Variants in CROCC2 observed in about 807,000 individuals in gnomAD.
The protein encoded by CROCC2 is ciliary rootlet coiled-coil protein 2.
In CROCC2, 163 loss-of-function variants were observed where a neutral mutation model predicts 177.6. The observed-to-expected ratio is 0.92, with a 90% confidence interval of 0.81 to 1.05. CROCC2 has a LOEUF of 1.05. Ranked by LOEUF, CROCC2 falls within the 50% of genes least tolerant of loss-of-function variation. CROCC2 has a pLI of 0.00. For missense variants in CROCC2, 1,929 were observed against 1,797.8 expected (o/e 1.07, Z -1.32); for synonymous variants, 904 against 787.3 (o/e 1.15, Z -2.48).
At chr2:240,962,086 A>T (rs1468412288) in intron 20 of CROCC2, among the ~76,000 whole-genome samples, 4 of 149,700 alleles carry the variant, frequency 2.7e-5, no homozygotes, top group Non-Finnish European at 5.9e-5. Flanking sequence ...ACACTCACAC[A>T]CACACACACA....
chr2:240,933,086 G>A (rs1290811066), intron 9 of CROCC2, 45 bp from the exon 10 acceptor site: 2 of 1,547,724 alleles, frequency 1.3e-6, no homozygotes, highest in Admixed American at 3.9e-5. Flanking sequence ...GGTGGGCAAA[G>A]CCTGCCTAGG....
chr2:240,993,109 C>T lies in CROCC2; in HGVS notation c.*28C>T, dbSNP rs1039099361. 4.2e-6 allele frequency: 3 copies of T among 716,160 alleles called. No individual in the cohort carries two copies. Among genetic ancestry groups the T allele is most frequent in the Admixed American group, 2.0e-5 (1 of 49,966 alleles). The allele number at this position is 716,160 out of a possible 1,614,324, so 44.4% of individuals were successfully genotyped here. A position where few individuals can be genotyped will look rare whatever the true frequency, so the allele number is the denominator to read the frequency against. On this transcript the variant is annotated 3_prime_UTR_variant, in exon 32 of 32. Transcript: ENST00000690015. ...CTCCCAGCACAGGGGAGGCGCCCAGCGTGGCTGCAGAGGAAGGGAACGCAC... is the reference window on the plus strand; with the variant it reads ...CTCCCAGCACAGGGGAGGCGCCCAGTGTGGCTGCAGAGGAAGGGAACGCAC...
chr2:240,947,878 G>C (rs2059532872), intron 15 of CROCC2, among the ~76,000 whole-genome samples: 1 of 151,986 alleles, frequency 6.6e-6, no homozygotes, highest in African/African-American at 2.4e-5. Context: ...TGGTGGGCCA[G>C]GCCTCCAGTC....
intron 4 of CROCC2, among the ~76,000 whole-genome samples, chr2:240,923,284 G>C (rs1263595886): frequency 6.6e-6 from 1 of 151,802 alleles, no homozygotes; most frequent in Non-Finnish European, 1.5e-5. Flanking sequence ...CGCCACCGCT[G>C]TCAGTGAGCA....
At chr2:240,962,080 T>TCACACA (rs549496278) in intron 20 of CROCC2, among the ~76,000 whole-genome samples, 1,034 of 89,472 alleles carry the variant, frequency 0.012, 13 homozygotes, top group African/African-American at 0.028. Context: ...GCACTCACAC[T>TCACACA]CACACACACA....
In CROCC2 at chr2:240,953,378, G is replaced by A. The variant is rs1203845433; in HGVS notation, c.2830-2481G>A. Among the ~76,000 whole-genome samples the A allele has an allele frequency of 2.0e-5, 3 of 151,562 alleles. No individual in the cohort carries two copies. Among genetic ancestry groups the A allele is most frequent in the Non-Finnish European group, 4.4e-5 (3 of 67,912 alleles). ...TGAGATTGCAGTGAGCGGAGATCAC[G>A]CCACTGCATTCCAGCCTGGGTGACA... On this transcript the variant is annotated intron_variant, in intron 18 of 31. Coordinates refer to ENST00000690015, the MANE Select transcript of CROCC2 (RefSeq NM_001351305.2). This position sits in a 1 kb window ranked among gnomAD's most constrained non-coding sequence, Gnocchi z 4.0.
chr2:240,985,931 C>G, intron 28 of CROCC2: 1 of 456,514 alleles, frequency 2.2e-6, no homozygotes, highest in East Asian at 7.0e-5. Context: ...GCACATGGCC[C>G]CAGCCCACGG....
rs990381049 is a variant in CROCC2, at chr2:240,917,995, C to T, written c.79-731C>T. 1.3e-5 allele frequency among the ~76,000 whole-genome samples: 2 copies of T among 152,220 alleles called. No individual in the cohort carries two copies. The highest frequency in any genetic ancestry group is 4.8e-5 in the African/African-American group (2 of 41,454). The stretch of plus-strand genomic sequence containing the variant: ...CAAAACCAGGCTGGGGTACCCAGGA[C>T]ACCCAGGCACTCCTGGGGCAGAAGG... On this transcript the variant is annotated intron_variant, in intron 1 of 31. Transcript: ENST00000690015. The surrounding 1 kb of genome is among the most constrained non-coding windows in gnomAD (Gnocchi z 4.9).
Position 240,989,802 on chromosome 2 carries a change from A to C in CROCC2, c.4832A>C (p.His1611Pro), listed in dbSNP as rs1287316134. The C allele has an allele frequency of 1.9e-6, 3 of 1,548,576 alleles. No individual in the cohort carries two copies. The highest frequency in any genetic ancestry group is 2.7e-5 in the African/African-American group (2 of 73,044). The change falls in exon 30 of 32, where the codon CAC becomes CCC. Residue 1611 changes from histidine (H) to proline (P), a missense_variant. This residue lies in a region of CROCC2 where 388 missense variants were observed against 352.7 expected (regional missense o/e 1.10). Coordinates refer to ENST00000690015, the MANE Select transcript of CROCC2 (RefSeq NM_001351305.2). ...TQALESQEWT[H>P]QQQVKVLEEQ... ...GCCCTGGAGTCCCAAGAATGGACCC[A>C]CCAGCAGCAGGTAAAGGTGCTGGAA...
intron 27 of CROCC2, among the ~76,000 whole-genome samples, chr2:240,974,958 T>C (rs904952002): frequency 2.6e-5 from 4 of 152,204 alleles, no homozygotes; most frequent in Non-Finnish European, 5.9e-5. Context: ...AGGCTGTGGC[T>C]TTGGGCAGGG....
chr2:240,976,181 C>A (rs981264969), intron 27 of CROCC2, among the ~76,000 whole-genome samples: 1 of 149,928 alleles, frequency 6.7e-6, no homozygotes, highest in Non-Finnish European at 1.5e-5. Flanking sequence ...GAAGCCCAGG[C>A]TCATCCCTGC....
chr2:240,967,670 C>A, intron 26 of CROCC2: 1 of 778,402 alleles, frequency 1.3e-6, no homozygotes, highest in Non-Finnish European at 1.6e-6. Flanking sequence ...TTCCCCAGCA[C>A]AGAGGAGTGA....
chr2:240,939,785 A>C (rs2059486809), intron 14 of CROCC2, among the ~76,000 whole-genome samples: 2 of 152,002 alleles, frequency 1.3e-5, no homozygotes, highest in Non-Finnish European at 2.9e-5. Context: ...CTCTTTCCCC[A>C]TGTGATTTAT....
intron 14 of CROCC2, among the ~76,000 whole-genome samples, chr2:240,939,754 T>C (rs898129422): frequency 1.3e-5 from 2 of 152,190 alleles, no homozygotes; most frequent in African/African-American, 4.8e-5. Context: ...GTTTTTATTA[T>C]TAGTCAATTC....
Position 240,917,338 on chromosome 2 carries a change from C to T in CROCC2, c.79-1388C>T, listed in dbSNP as rs1449607300. 2.7e-5 allele frequency among the ~76,000 whole-genome samples: 4 copies of T among 149,568 alleles called. No homozygotes were observed. The highest frequency in any genetic ancestry group is 5.9e-5 in the Non-Finnish European group (4 of 67,982). Reference sequence around the variant, plus strand: ...TTTGGGGTGCAGATGGAGGAGGAGGCCTGTGTCCAGGGAGCATCCGGGATA... The same window carrying T: ...TTTGGGGTGCAGATGGAGGAGGAGGTCTGTGTCCAGGGAGCATCCGGGATA... On this transcript the variant is annotated intron_variant, in intron 1 of 31. Transcript: ENST00000690015. The surrounding 1 kb of genome is among the most constrained non-coding windows in gnomAD (Gnocchi z 4.9).
intron 19 of CROCC2, 48 bp from the exon 20 acceptor site, chr2:240,959,253 G>C (rs771020160): frequency 8.8e-5 from 136 of 1,540,986 alleles, no homozygotes; most frequent in Non-Finnish European, 1.1e-4. Flanking sequence ...ACCCTCCACT[G>C]CTGGGCCCAG....
chr2:240,985,700 T>C (rs1186439904), intron 28 of CROCC2, among the ~76,000 whole-genome samples: 4 of 48,402 alleles, frequency 8.3e-5, no homozygotes, highest in African/African-American at 9.9e-5. Flanking sequence ...ACCCAGGCAC[T>C]CACTCCACAC....
rs35968018 is a variant in CROCC2, at chr2:240,911,296, C to CTTTT, written c.78+4721_78+4724dup. ...CCATCACCACCATCCACGTCCACAACTTTTTTTTTTTTTTTTTTTAGACAG... is the reference window on the plus strand; with the variant it reads ...CCATCACCACCATCCACGTCCACAACTTTTTTTTTTTTTTTTTTTTTTTAGACAG... On this transcript the variant is annotated intron_variant, in intron 1 of 31. Transcript: ENST00000690015. 9.0e-3 allele frequency among the ~76,000 whole-genome samples: 1,112 copies of CTTTT among 123,020 alleles called. 50 individuals carry two copies. Among genetic ancestry groups the CTTTT allele is most frequent in the Middle Eastern group, 0.034 (8 of 232 alleles). 80.7% of individuals were successfully genotyped at this position (123,020 alleles called of 152,430 possible).
intron 27 of CROCC2, among the ~76,000 whole-genome samples, chr2:240,976,135 G>A (rs2059762489): frequency 6.6e-6 from 1 of 152,052 alleles, no homozygotes; most frequent in Non-Finnish European, 1.5e-5. Flanking sequence ...CCAAGACCGG[G>A]CTCATCCCTG....
Sources: gnomAD v4.1 joint callset for allele counts (sites outside exome capture counted in the v4.1 genomes callset) on GRCh38, gnomAD v4.1.1 for gene constraint, gnomAD v4.1.1 regional missense constraint, Gnocchi (gnomAD v3.1) non-coding constraint, MANE v1.5 for transcripts, NCBI Gene and HGNC (gene_info 2026-07-23, HGNC 2026-07-21) for gene names.